Variants in MLIP observed in about 807,000 individuals in gnomAD.
MLIP encodes the protein muscular LMNA interacting protein, also known as muscular LMNA-interacting protein.
Under a neutral mutation model 84.8 loss-of-function variants are expected in MLIP, and 79 were observed. The ratio of observed to expected loss-of-function variants is 0.93; its 90% CI spans 0.78 to 1.12. The LOEUF is 1.12. Among genes scored for constraint, MLIP ranks in the 50% most tolerant of loss-of-function variants. The pLI is 0.00. For missense variants in MLIP, 1,257 were observed against 1,160.6 expected (o/e 1.08, Z -1.21); for synonymous variants, 504 against 463.0 (o/e 1.09, Z -1.14).
chr6:54,062,344 A>G (rs998476845), intron 1 of MLIP, among the ~76,000 whole-genome samples: 2 of 152,152 alleles, frequency 1.3e-5, no homozygotes, highest in African/African-American at 2.4e-5. Context: ...GTTCTGACAA[A>G]GCTTTCTGTA....
At chr6:54,224,900 C>G (rs903602616) in intron 11 of MLIP, among the ~76,000 whole-genome samples, 2 of 152,170 alleles carry the variant, frequency 1.3e-5, no homozygotes, top group Non-Finnish European at 2.9e-5. Flanking sequence ...CAGGTCACTG[C>G]AAATGCTGTT....
chr6:54,087,683 A>G (rs968509191), intron 1 of MLIP, among the ~76,000 whole-genome samples: 6 of 152,148 alleles, frequency 3.9e-5, no homozygotes, highest in Non-Finnish European at 2.9e-5. Flanking sequence ...GTGGACCTGC[A>G]TGGGTTGTGA....
chr6:54,077,611 G>T (rs1363981999), intron 1 of MLIP, among the ~76,000 whole-genome samples: 3 of 152,068 alleles, frequency 2.0e-5, no homozygotes, highest in African/African-American at 7.2e-5. Context: ...AGAGCAAGGG[G>T]CTTTAACTGA....
At chr6:54,145,037 A>G (rs1056211679) in intron 4 of MLIP, among the ~76,000 whole-genome samples, 11 of 152,228 alleles carry the variant, frequency 7.2e-5, no homozygotes, top group Non-Finnish European at 1.2e-4. Context: ...TTTGACCTGC[A>G]CCATGCAGAG....
chr6:54,111,696 T>G (rs1769480044), intron 1 of MLIP, 121 bp downstream of exon 1: 2 of 1,032,322 alleles, frequency 1.9e-6, no homozygotes, highest in African/African-American at 3.2e-5. Context: ...TGTATGTATA[T>G]TGAAATGAAA....
At chr6:54,107,926 C>T (rs918255264), upstream of MLIP, among the ~76,000 whole-genome samples, 2 of 152,198 alleles carry the variant, frequency 1.3e-5, no homozygotes, top group Non-Finnish European at 2.9e-5. Context: ...TGTTTAATCA[C>T]TTACATGTTT....
intron 8 of MLIP, among the ~76,000 whole-genome samples, chr6:54,162,545 G>A (rs1582340996): frequency 1.3e-5 from 2 of 151,954 alleles, no homozygotes; most frequent in Admixed American, 1.3e-4. Flanking sequence ...GGAGGCTGCT[G>A]CAGTCAGGGA....
chr6:54,139,606 A>G (rs1371095911), intron 4 of MLIP, among the ~76,000 whole-genome samples: 4 of 152,290 alleles, frequency 2.6e-5, no homozygotes, highest in South Asian at 2.1e-4. Flanking sequence ...TAGTTGAAAA[A>G]TTAATTAAAA....
chr6:54,173,037 C>A (rs1775929306), intron 9 of MLIP, among the ~76,000 whole-genome samples: 1 of 151,662 alleles, frequency 6.6e-6, no homozygotes, highest in African/African-American at 2.4e-5. Flanking sequence ...TCATTTGATT[C>A]TTTTAAAAAG....
chr6:54,136,969 C>T lies in MLIP; in HGVS notation c.900C>T (p.Pro300=). Residue 300 remains proline, a synonymous_variant, in exon 4 of 14, where the codon CCC becomes CCT. Transcript: ENST00000502396. ...SKGTSSTLLF[P]HSTQLSGSNL... The stretch of plus-strand genomic sequence containing the variant: ...GCACCTCCTCGACGTTACTGTTTCC[C>T]CATTCCACTCAACTATCAGGTTCTA... 1 of 1,536,066 alleles carries T rather than the reference C, an allele frequency of 6.5e-7. No homozygotes were observed. The highest frequency in any genetic ancestry group is 2.4e-5 in the East Asian group (1 of 40,908).
At chr6:54,254,302 T>C (rs1782844044) in intron 12 of MLIP, among the ~76,000 whole-genome samples, 1 of 151,748 alleles carries the variant, frequency 6.6e-6, no homozygotes, top group South Asian at 2.1e-4. Flanking sequence ...AATTTTTGTA[T>C]TTTTAGTAGA....
intron 1 of MLIP, among the ~76,000 whole-genome samples, chr6:54,038,971 T>A (rs1390792681): frequency 6.6e-6 from 1 of 151,882 alleles, no homozygotes; most frequent in Non-Finnish European, 1.5e-5. Context: ...CATCATATAA[T>A]TTAATAGACG....
chr6:54,212,898 C>A (rs947465207), intron 11 of MLIP, among the ~76,000 whole-genome samples: 3 of 152,128 alleles, frequency 2.0e-5, no homozygotes, highest in Non-Finnish European at 4.4e-5. Context: ...TTCTTTTTCA[C>A]ATTGGTAAAT....
intron 9 of MLIP, among the ~76,000 whole-genome samples, chr6:54,182,413 T>C (rs1373069033): frequency 6.6e-6 from 1 of 152,188 alleles, no homozygotes; most frequent in Non-Finnish European, 1.5e-5. Context: ...CATTAACAAT[T>C]CAAGACTGTC....
chr6:54,069,918 G>A (rs1183746621), intron 1 of MLIP, among the ~76,000 whole-genome samples: 1 of 100,876 alleles, frequency 9.9e-6, no homozygotes, highest in African/African-American at 2.5e-5. Context: ...TCTTTGTAAA[G>A]TTACAGTGAA....
In MLIP at chr6:54,039,642, CA is replaced by C. The variant is rs555021643; in HGVS notation, c.63+20553del. The stretch of plus-strand genomic sequence containing the variant: ...ATGTTGGTTTATTCTCTGACCTAAA[CA>C]AGCAAGATATGAAAACTAAGAGCAG... On this transcript the variant is annotated intron_variant, in intron 1 of 12. Coordinates refer to the MLIP transcript ENST00000274897. Among the ~76,000 whole-genome samples, 326 of 151,986 alleles carry C rather than the reference CA, an allele frequency of 2.1e-3. 1 individual carries two copies. Among genetic ancestry groups the C allele is most frequent in the African/African-American group, 5.7e-3 (235 of 41,516 alleles).
At chr6:54,234,295 T>C (rs1425444299) in intron 12 of MLIP, among the ~76,000 whole-genome samples, 2 of 152,136 alleles carry the variant, frequency 1.3e-5, no homozygotes, top group Admixed American at 1.3e-4. Flanking sequence ...AGAATAATAA[T>C]AGTACCTACC....
intron 1 of MLIP, among the ~76,000 whole-genome samples, chr6:54,080,752 C>T (rs1767089936): frequency 1.4e-5 from 2 of 148,006 alleles, no homozygotes. Context: ...ATAAAATACA[C>T]TATATAAATA....
chr6:54,027,338 A>C lies in MLIP; in HGVS notation c.63+8247A>C, dbSNP rs1013185510. 2.2e-4 allele frequency among the ~76,000 whole-genome samples: 33 copies of C among 150,684 alleles called. 1 individual carries two copies. Among genetic ancestry groups the C allele is most frequent in the Admixed American group, 1.9e-3 (28 of 15,130 alleles). On this transcript the variant is annotated intron_variant, in intron 1 of 12. Transcript: ENST00000274897. ...ATTTTCTCACACTTAACCTAAAATA[A>C]AGTGGATGCTATGTTTTTATTTGGA...
Sources: gnomAD v4.1 joint callset for allele counts (sites outside exome capture counted in the v4.1 genomes callset) on GRCh38, gnomAD v4.1.1 for gene constraint, MANE v1.5 for transcripts, NCBI Gene and HGNC (gene_info 2026-07-23, HGNC 2026-07-21) for gene names.